The following MBD5 variants were observed in gnomAD, a reference collection of about 807,000 sequenced individuals.
The protein encoded by MBD5 is methyl-CpG binding domain protein 5, also known as methyl-CpG-binding domain protein 5.
In MBD5, 13 loss-of-function variants were observed where a neutral mutation model predicts 117.3. The observed-to-expected ratio is 0.11, with a 90% CI of 0.07 to 0.18. The LOEUF is 0.18. MBD5 is among the 10% of genes least tolerant of loss of function. The pLI, the probability that MBD5 is intolerant of heterozygous loss-of-function variation, is 1.00. For synonymous variants in MBD5, 727 were observed against 766.4 expected (o/e 0.95, Z 0.85); for missense variants, 1,879 against 2,093.8 (o/e 0.90, Z 2.00).
chr2:148,240,379 C>T (rs986697845), intron 3 of MBD5, among the ~76,000 whole-genome samples: 5 of 151,696 alleles, frequency 3.3e-5, no homozygotes, highest in African/African-American at 9.7e-5. Flanking sequence ...AACAAACCTC[C>T]ATGTTGTGCA....
chr2:148,397,002 C>T (rs1163617575), intron 4 of MBD5, among the ~76,000 whole-genome samples: 1 of 152,152 alleles, frequency 6.6e-6, no homozygotes, highest in African/African-American at 2.4e-5. Flanking sequence ...TTTACCATGC[C>T]TTTCCTAAAC....
chr2:148,085,411 A>G (rs1695751372), intron 1 of MBD5, among the ~76,000 whole-genome samples: 1 of 152,206 alleles, frequency 6.6e-6, no homozygotes, highest in Non-Finnish European at 1.5e-5. Flanking sequence ...CACCAGAGCA[A>G]TTACTTCCAG....
At chr2:148,122,624 G>C (rs538330294) in intron 1 of MBD5, among the ~76,000 whole-genome samples, 2 of 152,246 alleles carry the variant, frequency 1.3e-5, no homozygotes, top group South Asian at 4.1e-4. Flanking sequence ...CTGCATAAAA[G>C]AAGTATTTTA....
chr2:148,385,087 G>A (rs1299884217), intron 4 of MBD5, among the ~76,000 whole-genome samples: 2 of 152,006 alleles, frequency 1.3e-5, no homozygotes, highest in Non-Finnish European at 2.9e-5. Context: ...CAAAAGCAAT[G>A]GCAACAAAAG....
At position 148,290,792 on chromosome 2, in the gene MBD5, G is replaced by C. The variant is rs576845958; in HGVS notation, c.-679-51422G>C. The stretch of plus-strand genomic sequence containing the variant: ...ATATTTGAGTAGTTTCTACTTTTTA[G>C]CTATAGTGAATAATAATACTATAAA... On this transcript the variant is annotated intron_variant, in intron 3 of 13. Coordinates refer to ENST00000642680, the MANE Select transcript of MBD5 (RefSeq NM_001378120.1). Among the ~76,000 whole-genome samples the C allele has an allele frequency of 2.1e-3, 321 of 151,984 alleles. 1 individual carries two copies. Among genetic ancestry groups the C allele is most frequent in the Non-Finnish European group, 3.4e-3 (231 of 67,960 alleles).
At chr2:148,138,741 G>A (rs1239084364) in intron 1 of MBD5, among the ~76,000 whole-genome samples, 1 of 152,180 alleles carries the variant, frequency 6.6e-6, no homozygotes, top group East Asian at 1.9e-4. Flanking sequence ...GAATGGATAT[G>A]GGTAGGGAAA....
intron 8 of MBD5, among the ~76,000 whole-genome samples, chr2:148,479,793 A>G (rs908852290): frequency 2.0e-5 from 3 of 150,732 alleles, no homozygotes; most frequent in Admixed American, 2.0e-4. Context: ...CAAATTCCAG[A>G]CCAAATATTA....
intron 3 of MBD5, among the ~76,000 whole-genome samples, chr2:148,245,189 A>T (rs1304595427): frequency 6.6e-6 from 1 of 152,156 alleles, no homozygotes; most frequent in Non-Finnish European, 1.5e-5. Context: ...ATTCAAAACC[A>T]GCCTGGGAAA....
At chr2:148,178,155 C>CT (rs899531907) in intron 1 of MBD5, among the ~76,000 whole-genome samples, 98 of 151,022 alleles carry the variant, frequency 6.5e-4, no homozygotes, top group African/African-American at 2.0e-3. Flanking sequence ...ATTTAAAGGG[C>CT]TTTTTTTTTA....
At chr2:148,250,085 A>G (rs1471949856) in intron 3 of MBD5, among the ~76,000 whole-genome samples, 1 of 152,202 alleles carries the variant, frequency 6.6e-6, no homozygotes, top group Non-Finnish European at 1.5e-5. Context: ...AATAAAGAAT[A>G]TGTTCTCATT....
intron 1 of MBD5, among the ~76,000 whole-genome samples, chr2:148,040,056 A>T (rs1224956050): frequency 6.6e-6 from 1 of 152,084 alleles, no homozygotes; most frequent in Non-Finnish European, 1.5e-5. Context: ...GAGGGAGAGG[A>T]TCAAAAAACT....
At chr2:148,193,096 A>C (rs1182599452) in intron 2 of MBD5, among the ~76,000 whole-genome samples, 1 of 105,106 alleles carries the variant, frequency 9.5e-6, no homozygotes, top group Non-Finnish European at 2.0e-5. Context: ...ACCACTGCTC[A>C]AGGAAATAAA....
intron 1 of MBD5, among the ~76,000 whole-genome samples, chr2:148,107,176 A>G (rs1696392511): frequency 1.3e-5 from 2 of 152,096 alleles, no homozygotes; most frequent in African/African-American, 4.8e-5. Context: ...GAGGGGGCAT[A>G]GAATTTTAGG....
At chr2:148,386,535 G>A (rs537424159) in intron 4 of MBD5, among the ~76,000 whole-genome samples, 4 of 151,550 alleles carry the variant, frequency 2.6e-5, no homozygotes, top group East Asian at 1.9e-4. Context: ...CGGCTAAAAC[G>A]GTGAAACCCC....
At position 148,483,117 on chromosome 2, in the gene MBD5, A is replaced by G. The variant is rs777664178; in HGVS notation, c.2526A>G (p.Ser842=). Residue 842 remains serine (S), a synonymous_variant, in exon 9 of 14, where the codon TCA becomes TCG. Coordinates refer to ENST00000642680, the MANE Select transcript of MBD5 (RefSeq NM_001378120.1). ...YNQTSSEAGG[S]GPSSSIAIAG... is the part of the protein sequence containing the mutation. ...TTTTTTTTTTCATTTTAGGCGGTTC[A>G]GGACCATCATCCTCCATAGCCATAG... 3 of 1,610,108 alleles carry G rather than the reference A, an allele frequency of 1.9e-6. No homozygotes were observed. Among genetic ancestry groups the G allele is most frequent in the Non-Finnish European group, 2.5e-6 (3 of 1,179,700 alleles).
At chr2:148,474,302 C>T (rs533048999) in intron 8 of MBD5, among the ~76,000 whole-genome samples, 54 of 152,220 alleles carry the variant, frequency 3.5e-4, no homozygotes, top group African/African-American at 1.1e-3. Context: ...TGCCAGTAAC[C>T]CAAGCCTCTG....
At chr2:148,062,941 G>A (rs943098176) in intron 1 of MBD5, among the ~76,000 whole-genome samples, 2 of 152,012 alleles carry the variant, frequency 1.3e-5, no homozygotes, top group African/African-American at 2.4e-5. Flanking sequence ...CAACCAAGAC[G>A]AAAAATAATT....
chr2:148,021,269 T>C lies in MBD5; in HGVS notation c.-1340T>C, dbSNP rs951547797. 3.8e-5 allele frequency: 13 copies of C among 344,120 alleles called. No individual in the cohort carries two copies. Among genetic ancestry groups the C allele is most frequent in the African/African-American group, 2.2e-5 (1 of 46,386 alleles). 21.3% of individuals were successfully genotyped at this position (344,120 alleles called of 1,614,324 possible). On this transcript the variant is annotated 5_prime_UTR_variant, in exon 1 of 14. Transcript: ENST00000642680. ...AGTTCCTTCCCCCACCCTCCAGCCC[T>C]GAGCCCTGAGAGGGGGATTGAGCCT... is the stretch of plus-strand genomic sequence containing the variant.
At chr2:148,129,388 G>A (rs977851493) in intron 1 of MBD5, among the ~76,000 whole-genome samples, 4 of 151,998 alleles carry the variant, frequency 2.6e-5, no homozygotes, top group African/African-American at 9.7e-5. Context: ...TCAACTACTC[G>A]GGAGGCTGAG....
Sources: allele counts gnomAD v4.1 joint callset (sites outside exome capture counted in the v4.1 genomes callset), GRCh38; gene constraint gnomAD v4.1.1; transcripts MANE v1.5; gene names NCBI Gene and HGNC (gene_info 2026-07-23, HGNC 2026-07-21).